Variants in CDH8 observed in about 807,000 individuals in gnomAD.
CDH8 encodes the protein cadherin-8.
A neutral mutation model predicts 68.1 loss-of-function variants in CDH8; 17 were observed. The ratio of observed to expected loss-of-function variants is 0.25; its 90% CI spans 0.17 to 0.37. CDH8 has a LOEUF of 0.37. CDH8 is among the 10% of genes least tolerant of loss of function. The probability of loss-of-function intolerance (pLI) is 1.00; values close to 1 mark genes in which losing one functional copy is unlikely to be tolerated. For synonymous variants in CDH8, 372 were observed against 365.1 expected, an observed-to-expected ratio of 1.02 and a Z score of -0.21; for missense variants, 763 against 999.3, an observed-to-expected ratio of 0.76 and a Z score of 3.19.
rs142912138 is a variant in CDH8 at position 61,975,319 on chromosome 16, T to C, written c.252+45833A>G. ...AGAAAGGCTGCTCAGGATTTTGACA[T>C]TGGAAATCCAAAGGAGGAAATCAAT... is the stretch of plus-strand genomic sequence containing the variant. On this transcript the variant is annotated intron_variant, in intron 2 of 11. Transcript: ENST00000577390. Among the ~76,000 whole-genome samples the C allele has an allele frequency of 4.0e-3, 605 of 152,286 alleles. 6 individuals carry two copies. Among genetic ancestry groups the C allele is most frequent in the Middle Eastern group, 6.8e-3 (2 of 294 alleles).
At chr16:61,854,470 G>A (rs539019757) in intron 4 of CDH8, among the ~76,000 whole-genome samples, 1 of 152,040 alleles carries the variant, frequency 6.6e-6, no homozygotes, top group South Asian at 2.1e-4. Flanking sequence ...CTCTTTGATC[G>A]CATGGGTAGA....
At position 61,655,582 on chromosome 16, in the gene CDH8, G is replaced by C. The variant is rs1328854862; in HGVS notation, c.1794C>G (p.Gly598=). ...STSTLTIRVC[G]CSNDGVVQSC... ...ACTGGACGACACCGTCATTGCTGCA[G>C]CCACAGACCCTGATTGTCAAGGTGC... is the stretch of plus-strand genomic sequence containing the variant. Residue 598 remains glycine, a synonymous_variant, in exon 11 of 12, where the codon GGC becomes GGG. Coordinates refer to ENST00000577390, the MANE Select transcript of CDH8 (RefSeq NM_001796.5). 6.2e-7 allele frequency: 1 copy of C among 1,614,056 alleles called. No individual in the cohort carries two copies. Among genetic ancestry groups the C allele is most frequent in the Non-Finnish European group, 8.5e-7 (1 of 1,180,042 alleles).
intron 2 of CDH8, among the ~76,000 whole-genome samples, chr16:61,950,056 C>A (rs757833951): frequency 9.2e-5 from 14 of 152,010 alleles, no homozygotes; most frequent in South Asian, 2.1e-4. Flanking sequence ...TCCCTGGCTT[C>A]TTGCAGCATA....
rs150476711 is a variant in CDH8, at chr16:61,997,128, G to T, written c.252+24024C>A. On this transcript the variant is annotated intron_variant, in intron 2 of 11. Coordinates refer to ENST00000577390, the MANE Select transcript of CDH8 (RefSeq NM_001796.5). ...AGATTTTCTCTAAAAAAGTCATAAA[G>T]TCATAATTTTAATGTTATTTCCAAG... Among the ~76,000 whole-genome samples the T allele has an allele frequency of 3.9e-4, 60 of 152,118 alleles. No individual in the cohort carries two copies. In the East Asian group the frequency reaches 0.012, roughly 29 times the overall value.
intron 2 of CDH8, among the ~76,000 whole-genome samples, chr16:62,004,416 C>T (rs1567564699): frequency 6.6e-6 from 1 of 152,128 alleles, no homozygotes; most frequent in Non-Finnish European, 1.5e-5. Context: ...GAAAAAGATA[C>T]AAGCCTGGAC....
rs970681128 is a variant in CDH8 at position 61,652,911 on chromosome 16, C to A, written c.*697G>T. On this transcript the variant is annotated 3_prime_UTR_variant, in exon 12 of 12. Coordinates refer to ENST00000577390, the MANE Select transcript of CDH8 (RefSeq NM_001796.5). ...AGGAATCCTGCTTCTAGAAAACAAG[C>A]ATGTTTGAATGGGATTTCTCTCCTC... 1.3e-6 allele frequency: 2 copies of A among 1,526,492 alleles called. No homozygotes were observed. Among genetic ancestry groups the A allele is most frequent in the Admixed American group, 2.0e-5 (1 of 49,812 alleles). The allele number at this position is 1,526,492 out of a possible 1,614,324, so 94.6% of individuals were successfully genotyped here. A position where few individuals can be genotyped will look rare whatever the true frequency, so the allele number is the denominator to read the frequency against.
At chr16:61,970,777 A>T (rs1202099036) in intron 2 of CDH8, among the ~76,000 whole-genome samples, 2 of 152,220 alleles carry the variant, frequency 1.3e-5, no homozygotes, top group Non-Finnish European at 2.9e-5. Context: ...GTCCCACAAG[A>T]CTGGCCCCTG....
At chr16:61,793,465 C>A (rs888442207) in intron 7 of CDH8, among the ~76,000 whole-genome samples, 1 of 151,872 alleles carries the variant, frequency 6.6e-6, no homozygotes, top group Non-Finnish European at 1.5e-5. Flanking sequence ...CCATATGTCT[C>A]ATCATTTAGT....
intron 2 of CDH8, among the ~76,000 whole-genome samples, chr16:61,908,263 T>C (rs1254631278): frequency 6.6e-6 from 1 of 152,178 alleles, no homozygotes; most frequent in African/African-American, 2.4e-5. Context: ...GTGAATTAAT[T>C]ACTATCCTTA....
chr16:61,911,160 A>T (rs1964154610), intron 2 of CDH8, among the ~76,000 whole-genome samples: 1 of 152,040 alleles, frequency 6.6e-6, no homozygotes, highest in Admixed American at 6.6e-5. Context: ...GAGTGGAAGG[A>T]TGGACGGATG....
intron 4 of CDH8, among the ~76,000 whole-genome samples, chr16:61,844,847 A>T (rs1292645798): frequency 6.6e-6 from 1 of 152,206 alleles, no homozygotes; most frequent in African/African-American, 2.4e-5. Context: ...TCAATATCTG[A>T]TCAATAACAA....
intron 2 of CDH8, among the ~76,000 whole-genome samples, chr16:61,987,580 G>A (rs1965649673): frequency 1.3e-5 from 2 of 152,052 alleles, no homozygotes; most frequent in Admixed American, 1.3e-4. Flanking sequence ...TTTTACCTCC[G>A]TTTGGTAGGG....
In CDH8 at chr16:61,652,732, A is replaced by G; in HGVS notation, c.*876T>C. 7.7e-7 allele frequency: 1 copy of G among 1,292,572 alleles called. No homozygotes were observed. The highest frequency in any genetic ancestry group is 2.9e-5 in the East Asian group (1 of 34,126). The allele number at this position is 1,292,572 out of a possible 1,614,324, so 80.1% of individuals were successfully genotyped here. On this transcript the variant is annotated 3_prime_UTR_variant, in exon 12 of 12. Coordinates refer to ENST00000577390, the MANE Select transcript of CDH8 (RefSeq NM_001796.5). ...CTATAGATTACCGACCTTAATAAATAAAAGCATTAATGGACATCAATAAAA... is the reference window on the plus strand; with the variant it reads ...CTATAGATTACCGACCTTAATAAATGAAAGCATTAATGGACATCAATAAAA...
At chr16:62,034,725 C>A (rs543138105) in intron 1 of CDH8, among the ~76,000 whole-genome samples, 1 of 152,258 alleles carries the variant, frequency 6.6e-6, no homozygotes, top group South Asian at 2.1e-4. Flanking sequence ...CTTGTGGAAT[C>A]TTCAGGAAAG....
At chr16:61,965,490 C>T (rs534670901) in intron 2 of CDH8, among the ~76,000 whole-genome samples, 3 of 152,250 alleles carry the variant, frequency 2.0e-5, no homozygotes, top group African/African-American at 7.2e-5. Flanking sequence ...TTCACAATAG[C>T]AAAGTCCCCT....
At chr16:62,003,615 C>T (rs541609451) in intron 2 of CDH8, among the ~76,000 whole-genome samples, 1 of 152,008 alleles carries the variant, frequency 6.6e-6, no homozygotes, top group South Asian at 2.1e-4. Flanking sequence ...AAGGGTGGTC[C>T]GCAGCATTAC....
chr16:61,753,211 CATT>C (rs1396468391), intron 8 of CDH8, among the ~76,000 whole-genome samples: 1 of 150,816 alleles, frequency 6.6e-6, no homozygotes, highest in Non-Finnish European at 1.5e-5. Context: ...GAAAGCCATG[CATT>C]ATTATTGACG....
intron 7 of CDH8, among the ~76,000 whole-genome samples, chr16:61,799,008 A>G (rs1409857457): frequency 3.3e-5 from 5 of 152,152 alleles, no homozygotes; most frequent in East Asian, 1.9e-4. Context: ...GTGCTTCTCT[A>G]TGATGGGAGG....
intron 10 of CDH8, among the ~76,000 whole-genome samples, chr16:61,705,769 A>G (rs755733205): frequency 2.0e-5 from 3 of 152,230 alleles, no homozygotes; most frequent in Non-Finnish European, 4.4e-5. Context: ...GTGAAAGTAT[A>G]GAAGTTAGAC....
Sources: allele counts gnomAD v4.1 joint callset (sites outside exome capture counted in the v4.1 genomes callset), GRCh38; gene constraint gnomAD v4.1.1; transcripts MANE v1.5; gene names NCBI Gene and HGNC (gene_info 2026-07-23, HGNC 2026-07-21).